Variants in SMC6 observed in about 807,000 individuals in gnomAD.
The protein encoded by SMC6 is structural maintenance of chromosomes 6.
SMC6 carries 79 observed loss-of-function variants against 142.2 expected under a neutral mutation model. That is an observed-to-expected ratio of 0.56 (90% CI 0.46 to 0.67). SMC6 has a LOEUF of 0.67. Ranked by LOEUF, SMC6 falls within the 30% of genes least tolerant of loss-of-function variation. The pLI is 0.00. For missense variants in SMC6, 1,072 were observed against 1,284.0 expected, an observed-to-expected ratio of 0.83 and a Z score of 2.52; for synonymous variants, 411 against 412.4, an observed-to-expected ratio of 1.00 and a Z score of 0.04.
chr2:17,729,860 A>G (rs1669822752), intron 7 of SMC6, among the ~76,000 whole-genome samples: 1 of 152,226 alleles, frequency 6.6e-6, no homozygotes, highest in Admixed American at 6.5e-5. Flanking sequence ...CAAGTTAGTC[A>G]AGAACCACAT....
At chr2:17,671,079 G>T (rs1169911101) in intron 25 of SMC6, among the ~76,000 whole-genome samples, 5 of 146,826 alleles carry the variant, frequency 3.4e-5, no homozygotes, top group African/African-American at 1.3e-4. Flanking sequence ...TCTCCATGTT[G>T]CCCAGGCTGG....
chr2:17,696,302 T>A lies in SMC6; in HGVS notation c.2519A>T (p.Glu840Val). 1 of 1,588,932 alleles carries A rather than the reference T, an allele frequency of 6.3e-7. No individual in the cohort carries two copies. Among genetic ancestry groups the A allele is most frequent in the South Asian group, 1.2e-5 (1 of 85,190 alleles). ...NKKKRELDMK[E>V]KELEEKMSQA... ...ATGGTGAAAAACCTCTAGTTCTTTC[T>A]CTTTCATATCCAGTTCTCGTTTCTT... The change falls in exon 22 of 28, where the codon GAG becomes GTG. Residue 840 changes from glutamate to valine, a missense_variant. Glu to Val is a moderately radical substitution (Grantham distance 121). Around this residue, in one of 3 missense-constraint regions of SMC6, gnomAD observed 994 missense variants for 1,153.2 expected, o/e 0.86. Coordinates refer to ENST00000448223, the MANE Select transcript of SMC6 (RefSeq NM_001142286.2).
At chr2:17,709,709 G>T (rs1572305203) in intron 16 of SMC6, among the ~76,000 whole-genome samples, 1 of 152,054 alleles carries the variant, frequency 6.6e-6, no homozygotes. Context: ...TTTGAAGGAA[G>T]ACAGAGAATA....
Position 17,696,398 on chromosome 2 carries a change from A to G in SMC6, c.2423T>C (p.Val808Ala). The G allele has an allele frequency of 1.9e-6, 3 of 1,610,180 alleles. No homozygotes were observed. The highest frequency in any genetic ancestry group is 2.5e-6 in the Non-Finnish European group (3 of 1,179,214). ...KDELNLADSEVDNQKRGKRHY... is the reference protein window; with the variant it reads ...KDELNLADSEADNQKRGKRHY... ...TCGTTTCCCTCGTTTTTGGTTATCC[A>G]CTTCAGAATCAGCAAGGTTTAATTC... Residue 808 changes from valine to alanine, a missense_variant, in exon 22 of 28, where the codon GTG becomes GCG. Around this residue, in one of 3 missense-constraint regions of SMC6, gnomAD observed 994 missense variants for 1,153.2 expected, o/e 0.86. Transcript: ENST00000448223.
intron 2 of SMC6, 137 bp from the exon 3 acceptor site, chr2:17,746,088 A>G: frequency 1.1e-6 from 1 of 895,638 alleles, no homozygotes; most frequent in Non-Finnish European, 1.6e-6. Context: ...AAAGTAAATT[A>G]GTCTTGCATC....
intron 16 of SMC6, among the ~76,000 whole-genome samples, chr2:17,712,362 T>C (rs1238141288): frequency 6.6e-6 from 1 of 152,170 alleles, no homozygotes; most frequent in Non-Finnish European, 1.5e-5. Context: ...AAATAATTTT[T>C]TTAAATGGTT....
intron 16 of SMC6, among the ~76,000 whole-genome samples, chr2:17,712,507 A>G (rs965334015): frequency 9.2e-5 from 14 of 152,188 alleles, no homozygotes; most frequent in African/African-American, 3.4e-4. Context: ...AGTAGCTTCT[A>G]TGTCCTTCTG....
At chr2:17,725,979 TTGGGAGGC>T in intron 8 of SMC6, among the ~76,000 whole-genome samples, 1 of 149,244 alleles carries the variant, frequency 6.7e-6, no homozygotes. Flanking sequence ...CCCCAGCTCC[TTGGGAGGC>T]TGAGGCACGA....
intron 16 of SMC6, among the ~76,000 whole-genome samples, chr2:17,709,463 T>A (rs1428660022): frequency 1.3e-5 from 2 of 152,116 alleles, no homozygotes; most frequent in South Asian, 4.1e-4. Flanking sequence ...ATACTAAGAA[T>A]AGGAGGTACA....
Position 17,726,388 on chromosome 2 carries a change from C to T in SMC6, c.624+1G>A. On this transcript the variant is annotated splice_donor_variant, in intron 8 of 27. Coordinates refer to ENST00000448223, the MANE Select transcript of SMC6 (RefSeq NM_001142286.2). LOFTEE classifies it high-confidence loss of function. ...TTTATATTTACTTTGGTGCCACTTA[C>T]TTTGTATTTGTCTCCTTCATTTTTA... 6.2e-7 allele frequency: 1 copy of T among 1,607,918 alleles called. No individual in the cohort carries two copies. Among genetic ancestry groups the T allele is most frequent in the Non-Finnish European group, 8.5e-7 (1 of 1,177,190 alleles).
intron 20 of SMC6, 23 bp from the exon 21 acceptor site, chr2:17,700,401 T>C (rs370931503): frequency 6.5e-7 from 1 of 1,527,176 alleles, no homozygotes; most frequent in Non-Finnish European, 8.8e-7. Flanking sequence ...AAACAGCATA[T>C]AAGGTTAATT....
intron 9 of SMC6, 113 bp from the exon 10 acceptor site, chr2:17,721,374 G>C (rs538404485): frequency 9.7e-7 from 1 of 1,026,998 alleles, no homozygotes; most frequent in African/African-American, 1.7e-5. Flanking sequence ...ATAAATATTC[G>C]TTTAAAAATA....
intron 9 of SMC6, among the ~76,000 whole-genome samples, chr2:17,724,520 T>G (rs914111906): frequency 6.6e-6 from 1 of 152,232 alleles, no homozygotes; most frequent in Admixed American, 6.5e-5. Context: ...GATATGGAAT[T>G]ACATAAAGTT....
rs1491448659 is a variant in SMC6 at position 17,708,835 on chromosome 2, TAA to T, written c.1731-84_1731-83del. 2.2e-3 allele frequency: 840 copies of T among 381,428 alleles called. 3 individuals carry two copies. The highest frequency in any genetic ancestry group is 6.0e-3 in the Middle Eastern group (9 of 1,506). The allele number at this position is 381,428 out of a possible 1,614,324, so 23.6% of individuals were successfully genotyped here. A position where few individuals can be genotyped will look rare whatever the true frequency, so the allele number is the denominator to read the frequency against. On this transcript the variant is annotated intron_variant, in intron 16 of 27. Transcript: ENST00000448223. ...CATATGAAAATTGTGTATATATATA[TAA>T]GAGTATATATATTTCCATATATATT...
At chr2:17,700,950 G>C (rs1044201302) in intron 20 of SMC6, among the ~76,000 whole-genome samples, 6 of 151,802 alleles carry the variant, frequency 4.0e-5, no homozygotes, top group Admixed American at 6.6e-5. Flanking sequence ...AGAATTGCTT[G>C]AACCCAGGAG....
chr2:17,731,620 A>G, intron 6 of SMC6, 121 bp downstream of exon 6: 2 of 912,306 alleles, frequency 2.2e-6, no homozygotes, highest in South Asian at 1.6e-5. Context: ...GTGTGTATAT[A>G]TATATGCACA....
intron 25 of SMC6, among the ~76,000 whole-genome samples, chr2:17,675,522 G>A (rs995862181): frequency 6.6e-6 from 1 of 151,894 alleles, no homozygotes; most frequent in South Asian, 2.1e-4. Flanking sequence ...AGTATTTCTT[G>A]TAGGCCAAGC....
In SMC6 at chr2:17,703,289, G is replaced by A; in HGVS notation, c.2010C>T (p.Asp670=). ...LSRDVDSEIS[D]LENEVENKTA... Reference sequence around the variant, plus strand: ...TCTTATTTTCAACCTCATTCTCCAAGTCACTTGATAGGAAAGGAGAAGATA... The same window carrying A: ...TCTTATTTTCAACCTCATTCTCCAAATCACTTGATAGGAAAGGAGAAGATA... The change falls in exon 19 of 28, where the codon GAC becomes GAT. Residue 670 remains aspartate, a synonymous_variant. Coordinates refer to ENST00000448223, the MANE Select transcript of SMC6 (RefSeq NM_001142286.2). 1.3e-6 allele frequency: 2 copies of A among 1,598,220 alleles called. No individual in the cohort carries two copies. The highest frequency in any genetic ancestry group is 8.5e-7 in the Non-Finnish European group (1 of 1,174,570).
chr2:17,688,451 G>C (rs998561139), intron 23 of SMC6, among the ~76,000 whole-genome samples: 4 of 152,004 alleles, frequency 2.6e-5, no homozygotes, highest in Non-Finnish European at 5.9e-5. Flanking sequence ...TGTAATCCCA[G>C]CACTTTGGGA....
Sources: allele counts gnomAD v4.1 joint callset (sites outside exome capture counted in the v4.1 genomes callset), GRCh38; gene constraint gnomAD v4.1.1; regional missense constraint gnomAD v4.1.1; transcripts MANE v1.5; gene names NCBI Gene and HGNC (gene_info 2026-07-23, HGNC 2026-07-21).